Variants in PDE4DIP observed in about 807,000 individuals in gnomAD.
PDE4DIP encodes myomegalin.
A neutral mutation model predicts 221.4 loss-of-function variants in PDE4DIP; 59 were observed. That is an observed-to-expected ratio of 0.27 (90% confidence interval 0.22 to 0.33). The LOEUF (loss-of-function observed/expected upper bound fraction) is 0.33. Ranked by LOEUF, PDE4DIP falls within the 10% of genes least tolerant of loss-of-function variation. The pLI is 1.00. For synonymous variants in PDE4DIP, 404 were observed against 815.9 expected (o/e 0.50, Z 8.60); for missense variants, 1,036 against 2,154.2 (o/e 0.48, Z 10.28).
At chr1:148,968,836 G>C in exon 14 of PDE4DIP, 3 of 1,609,024 alleles carry the variant, frequency 1.9e-6, no homozygotes, top group Non-Finnish European at 2.5e-6. Flanking sequence ...TCTGCATTAG[G>C]ATCTTAGTGC....
At chr1:149,029,972 G>A (rs782368608) in intron 42 of PDE4DIP, 47 bp downstream of exon 45, 22 of 786,482 alleles carry the variant, frequency 2.8e-5, no homozygotes, top group African/African-American at 3.8e-5. Context: ...CAGTCTTCCC[G>A]ATGCCCCACT....
intron 22 of PDE4DIP, among the ~76,000 whole-genome samples, chr1:148,995,098 A>G (rs1553563613): frequency 6.6e-6 from 1 of 152,138 alleles, no homozygotes; most frequent in African/African-American, 2.4e-5. Flanking sequence ...TAATGCTGTA[A>G]TGAACATGAG....
chr1:148,952,574 G>A (rs1304105228), intron 5 of PDE4DIP: 2 of 1,374,294 alleles, frequency 1.5e-6, no homozygotes, highest in Non-Finnish European at 1.9e-6. Context: ...CCCCCTGCCC[G>A]AGGGGCGGGG....
chr1:148,991,482 C>G (rs1252218956), intron 21 of PDE4DIP: 40 of 736,926 alleles, frequency 5.4e-5, no homozygotes, highest in Non-Finnish European at 6.5e-5. Flanking sequence ...CAGGGCAGCT[C>G]TAATCTCCAG....
intron 5 of PDE4DIP, chr1:148,953,892 C>G (rs782575195): frequency 3.7e-6 from 6 of 1,612,318 alleles, no homozygotes; most frequent in Non-Finnish European, 5.1e-6. Context: ...GATTATTTGC[C>G]GCTCCGGGTC....
intron 1 of PDE4DIP, among the ~76,000 whole-genome samples, chr1:148,848,080 T>A (rs1340030755): frequency 7.0e-4 from 1 of 1,438 alleles, no homozygotes; most frequent in Non-Finnish European, 1.1e-3. Context: ...CCATTCAGAA[T>A]GTTCACATAT....
chr1:149,029,121 C>T (rs1310954904), intron 41 of PDE4DIP, among the ~76,000 whole-genome samples: 1 of 152,166 alleles, frequency 6.6e-6, no homozygotes, highest in Admixed American at 6.5e-5. Flanking sequence ...TGAGACTGAG[C>T]CTTTTTAGCC....
chr1:148,954,584 A>G (rs2054666206), intron 5 of PDE4DIP, among the ~76,000 whole-genome samples: 1 of 152,256 alleles, frequency 6.6e-6, no homozygotes, highest in Non-Finnish European at 1.5e-5. Context: ...GTTCACAGCC[A>G]GAACTCTACT....
chr1:148,952,062 G>C (rs1187850902), intron 5 of PDE4DIP: 3 of 1,012,650 alleles, frequency 3.0e-6, no homozygotes, highest in East Asian at 1.4e-4. Flanking sequence ...CGAGAATGCA[G>C]GGAGGGGATT....
intron 21 of PDE4DIP, chr1:148,981,776 A>G (rs782640292): frequency 4.4e-6 from 1 of 225,276 alleles, no homozygotes; most frequent in Non-Finnish European, 9.2e-6. Flanking sequence ...TTCTTCCCCA[A>G]CTTTCACAAT....
intron 2 of PDE4DIP, chr1:148,930,628 G>GGT (rs1477547094): frequency 1.3e-5 from 2 of 151,072 alleles, no homozygotes; most frequent in African/African-American, 4.9e-5. Flanking sequence ...AAAATACCTT[G>GGT]GAATACATCT....
At chr1:149,017,035 C>T (rs1390114546) in intron 33 of PDE4DIP, among the ~76,000 whole-genome samples, 1 of 151,970 alleles carries the variant, frequency 6.6e-6, no homozygotes, top group Non-Finnish European at 1.5e-5. Context: ...AACAGTAAGA[C>T]AATCGTAATT....
At chr1:149,020,539 G>C (rs1553617332) in intron 36 of PDE4DIP, 1 of 226,068 alleles carries the variant, frequency 4.4e-6, no homozygotes, top group African/African-American at 2.4e-5. Flanking sequence ...CTCTGGGAAT[G>C]CCTTGTCACT....
chr1:149,028,441 G>C, intron 40 of PDE4DIP, 119 bp from the exon 44 acceptor site: 1 of 682,056 alleles, frequency 1.5e-6, no homozygotes, highest in East Asian at 3.1e-5. Context: ...AAATGGTTGT[G>C]TGAGGGCTTC....
chr1:148,930,013 G>A (rs2047518100), intron 2 of PDE4DIP: 3 of 151,720 alleles, frequency 2.0e-5, no homozygotes, highest in South Asian at 2.1e-4. Flanking sequence ...GATATTTATA[G>A]TATACTGAGG....
At chr1:148,952,457 G>C (rs1261188727) in intron 5 of PDE4DIP, 9 of 1,091,102 alleles carry the variant, frequency 8.2e-6, no homozygotes, top group Non-Finnish European at 1.0e-5. Context: ...GGAGGACGTT[G>C]AGGACGCGGC....
chr1:148,961,164 C>G (rs1488033743), intron 6 of PDE4DIP, among the ~76,000 whole-genome samples: 2 of 152,048 alleles, frequency 1.3e-5, no homozygotes, highest in African/African-American at 4.8e-5. Context: ...AAAAATTAGC[C>G]AGGCGTTGTG....
intron 14 of PDE4DIP, among the ~76,000 whole-genome samples, chr1:148,971,606 C>T (rs1240484069): frequency 1.3e-5 from 2 of 151,898 alleles, no homozygotes; most frequent in African/African-American, 4.8e-5. Flanking sequence ...AAGATCTACT[C>T]TCTTAGCAAA....
intron 13 of PDE4DIP, 69 bp from the exon 17 acceptor site, chr1:148,968,767 A>G (rs1157538179): frequency 7.7e-6 from 6 of 779,982 alleles, no homozygotes; most frequent in Non-Finnish European, 1.3e-5. Context: ...ATAGATTCTT[A>G]TAAGCCCTTT....
Sources: gnomAD v4.1 joint callset for allele counts (sites outside exome capture counted in the v4.1 genomes callset) on GRCh38, gnomAD v4.1.1 for gene constraint, MANE v1.5 for transcripts, NCBI Gene and HGNC (gene_info 2026-07-23, HGNC 2026-07-21) for gene names.